PEDS1: variants seen among roughly 807,000 people sequenced by gnomAD.
PEDS1 encodes the protein plasmanylethanolamine desaturase 1, also known as CarF homolog.
In PEDS1, 14 loss-of-function variants were observed where a neutral mutation model predicts 35.2. That is an observed-to-expected ratio of 0.40 (90% CI 0.26 to 0.62). The LOEUF (loss-of-function observed/expected upper bound fraction) is 0.62, where lower values mean the gene tolerates loss of function less well. Among genes scored for constraint, PEDS1 ranks in the 20% least tolerant of loss-of-function variants. PEDS1 has a pLI of 0.44. For synonymous variants in PEDS1, 152 were observed against 152.0 expected (o/e 1.00, Z 0.00); for missense variants, 260 against 367.8 (o/e 0.71, Z 2.40).
In PEDS1 at chr20:50,141,892, G is replaced by A. The variant is rs139727357; in HGVS notation, c.241+1610C>T. Among the ~76,000 whole-genome samples, 19 of 152,274 alleles carry A rather than the reference G, an allele frequency of 1.2e-4. No homozygotes were observed. The East Asian group carries it at 3.5e-3, about 28-fold the overall frequency. ...CAATTAGCTGGCCTGAGCACTATTG[G>A]CTTAGGTGGCTAGAACGCTTTTAAT... On this transcript the variant is annotated intron_variant, in intron 2 of 5. Transcript: ENST00000371652.
chr20:50,127,668 G>A (rs1240890810), intron 5 of PEDS1, among the ~76,000 whole-genome samples: 2 of 152,174 alleles, frequency 1.3e-5, no homozygotes, highest in Non-Finnish European at 2.9e-5. Context: ...TTTGTTTGCT[G>A]CAGGAGCCTA....
rs1467160072 is a variant in PEDS1 at position 50,119,437 on chromosome 20, A to AG, written c.*5620_*5621insC. 6.9e-6 allele frequency: 1 copy of AG among 144,966 alleles called. No homozygotes were observed. The highest frequency in any genetic ancestry group is 2.7e-5 in the African/African-American group (1 of 37,376). 9.0% of individuals were successfully genotyped at this position (144,966 alleles called of 1,614,324 possible). A position where few individuals can be genotyped will look rare whatever the true frequency, so the allele number is the denominator to read the frequency against. ...GGTAATAGAGCAAGACTTTGTCTCAAAAAAAAAAAAAAAAAAAAGTCAAGT... is the reference window on the plus strand; with the variant it reads ...GGTAATAGAGCAAGACTTTGTCTCAAGAAAAAAAAAAAAAAAAAAGTCAAGT... On this transcript the variant is annotated 3_prime_UTR_variant, in exon 6 of 6. Coordinates refer to ENST00000371652, the MANE Select transcript of PEDS1 (RefSeq NM_199129.4).
Position 50,128,131 on chromosome 20 carries a change from C to T in PEDS1, c.535G>A (p.Gly179Ser), listed in dbSNP as rs150011545. The change falls in exon 5 of 6, where the codon GGC becomes AGC. Residue 179 changes from glycine to serine, a missense_variant. By Grantham distance (56) the Gly-to-Ser change is moderately conservative (BLOSUM62 0). Transcript: ENST00000371652. The surrounding 1 kb of genome is among the most constrained non-coding windows in gnomAD (Gnocchi z 5.2). ...TTGTGGATCTGGTTGGTGAAGGTGC[C>T]GAAGATGATCAGGCAGAAGACGAAG... ...ECFVFCLIIFGTFTNQIHKWS... is the reference protein window; with the variant it reads ...ECFVFCLIIFSTFTNQIHKWS... 367 of 1,613,858 alleles carry T rather than the reference C, an allele frequency of 2.3e-4. No individual in the cohort carries two copies. The highest frequency in any genetic ancestry group is 3.3e-4 in the Middle Eastern group (2 of 6,084).
intron 2 of PEDS1, among the ~76,000 whole-genome samples, chr20:50,143,074 G>T (rs2081310755): frequency 1.3e-5 from 2 of 152,094 alleles, no homozygotes; most frequent in Non-Finnish European, 1.5e-5. Context: ...GCTCTAGCAG[G>T]ATCCAGCTAG....
At position 50,129,651 on chromosome 20, in the gene PEDS1, T is replaced by G. The variant is rs1244523450; in HGVS notation, c.373A>C (p.Thr125Pro). 6.2e-7 allele frequency: 1 copy of G among 1,614,058 alleles called. No individual in the cohort carries two copies. The highest frequency in any genetic ancestry group is 8.5e-7 in the Non-Finnish European group (1 of 1,179,992). ...ATGAAGTCGTGCCGTGTGATAGCTG[T>G]CGGGTCAATGTGGTGCTCCCGGAAG... The part of the protein sequence containing the change: ...RPFREHHIDP[T>P]AITRHDFIET... Residue 125 changes from threonine (T) to proline (P), a missense_variant, in exon 4 of 6, where the codon ACA (threonine) becomes CCA (proline). Physicochemically the swap from Thr to Pro is conservative, Grantham distance 38. This residue lies in a region of PEDS1 where 34 missense variants were observed against 81.9 expected (regional missense o/e 0.41). Transcript: ENST00000371652. The surrounding 1 kb of genome is among the most constrained non-coding windows in gnomAD (Gnocchi z 4.2).
chr20:50,153,505 C>T lies in PEDS1; in HGVS notation c.121+12G>A, dbSNP rs112105513. The T allele has an allele frequency of 6.2e-4, 857 of 1,371,986 alleles. 6 individuals carry two copies. In the African/African-American group the frequency reaches 0.011, roughly 17 times the overall value. 85.0% of individuals were successfully genotyped at this position (1,371,986 alleles called of 1,614,324 possible). A position where few individuals can be genotyped will look rare whatever the true frequency, so the allele number is the denominator to read the frequency against. ...GTGACCGCAGGCCTGGAGGGGGGCCCAGAGGTCTTACCTGGCGAGTAGAGC... is the reference window on the plus strand; with the variant it reads ...GTGACCGCAGGCCTGGAGGGGGGCCTAGAGGTCTTACCTGGCGAGTAGAGC... On this transcript the variant is annotated intron_variant, in intron 1 of 5. Transcript: ENST00000371652.
At chr20:50,142,685 C>CT (rs1347733805) in intron 2 of PEDS1, among the ~76,000 whole-genome samples, 1 of 86,570 alleles carries the variant, frequency 1.2e-5, no homozygotes, top group African/African-American at 4.2e-5. Flanking sequence ...GTCATCCGCC[C>CT]CCCCCCCCCC....
chr20:50,128,311 C>T lies in PEDS1; in HGVS notation c.479-124G>A. On this transcript the variant is annotated intron_variant, in intron 4 of 5. Coordinates refer to ENST00000371652, the MANE Select transcript of PEDS1 (RefSeq NM_199129.4). This position sits in a 1 kb window ranked among gnomAD's most constrained non-coding sequence, Gnocchi z 5.2. ...CTGGGCAAGCACCCAGGATTCTCTT[C>T]CACCCCCTGCAGGGCCGCAGGCAAG... 1.6e-6 allele frequency: 2 copies of T among 1,237,080 alleles called. No homozygotes were observed. The highest frequency in any genetic ancestry group is 1.5e-5 in the African/African-American group (1 of 67,364). 76.6% of individuals were successfully genotyped at this position (1,237,080 alleles called of 1,614,324 possible). A position where few individuals can be genotyped will look rare whatever the true frequency, so the allele number is the denominator to read the frequency against.
At chr20:50,130,788 A>G in intron 3 of PEDS1, 68 bp downstream of exon 3, 1 of 1,581,510 alleles carries the variant, frequency 6.3e-7, no homozygotes, top group African/African-American at 1.3e-5. Flanking sequence ...TAGAGAAGAA[A>G]GGGGACTCAC....
chr20:50,152,857 A>G (rs574089875), intron 1 of PEDS1, among the ~76,000 whole-genome samples: 47 of 137,530 alleles, frequency 3.4e-4, no homozygotes, highest in African/African-American at 1.2e-3. Context: ...TCACCACTGG[A>G]GGGTTGGGGA....
rs566967209 is a variant in PEDS1, at chr20:50,133,599, C to T, written c.242-2652G>A. 9.8e-4 allele frequency among the ~76,000 whole-genome samples: 149 copies of T among 152,276 alleles called. 1 individual carries two copies. Among genetic ancestry groups the T allele is most frequent in the African/African-American group, 3.4e-3 (142 of 41,550 alleles). On this transcript the variant is annotated intron_variant, in intron 2 of 5. Transcript: ENST00000371652. ...ATGTAGAAGGCGAGGGAGGTGGAAG[C>T]CCCAGAAGGGCTTCTGGATTTTCTG...
chr20:50,127,023 C>T (rs1203532708), intron 5 of PEDS1, among the ~76,000 whole-genome samples: 1 of 152,204 alleles, frequency 6.6e-6, no homozygotes, highest in Non-Finnish European at 1.5e-5. Flanking sequence ...AGTCAGGAGC[C>T]TCTTTGCCAT....
chr20:50,128,020 T>A lies in PEDS1; in HGVS notation c.646A>T (p.Ile216Phe). The change falls in exon 5 of 6, where the codon ATC becomes TTC. Residue 216 changes from isoleucine (I) to phenylalanine (F), a missense_variant. By Grantham distance (21) the Ile-to-Phe change is conservative (BLOSUM62 0). Around this residue, in one of 4 missense-constraint regions of PEDS1, gnomAD observed 83 missense variants for 142.8 expected, o/e 0.58. Coordinates refer to ENST00000371652, the MANE Select transcript of PEDS1 (RefSeq NM_199129.4). The surrounding 1 kb of genome is among the most constrained non-coding windows in gnomAD (Gnocchi z 5.2). ...HVILPRKHHR[I>F]HHVSPHETYF... ...GTCTCGTGGGGTGAGACGTGGTGGA[T>A]GCGATGGTGTTTACGTGGCAGGATG... The A allele has an allele frequency of 6.2e-7, 1 of 1,614,050 alleles. No homozygotes were observed. Among genetic ancestry groups the A allele is most frequent in the African/African-American group, 1.3e-5 (1 of 74,988 alleles).
At chr20:50,148,118 T>C (rs901507838) in intron 1 of PEDS1, among the ~76,000 whole-genome samples, 1 of 152,154 alleles carries the variant, frequency 6.6e-6, no homozygotes, top group Non-Finnish European at 1.5e-5. Context: ...ACAACTTAAG[T>C]AGCTTTCACT....
In PEDS1 at chr20:50,140,115, C is replaced by T. The variant is rs916869940; in HGVS notation, c.241+3387G>A. Among the ~76,000 whole-genome samples, 7 of 152,236 alleles carry T rather than the reference C, an allele frequency of 4.6e-5. No individual in the cohort carries two copies. The East Asian group carries it at 1.3e-3, about 29-fold the overall frequency. ...TCCCTTCCATCTCTCAAGAGAGAAACCTTGGAGTCAAGCTAATTCTCTCTC... is the reference window on the plus strand; with the variant it reads ...TCCCTTCCATCTCTCAAGAGAGAAATCTTGGAGTCAAGCTAATTCTCTCTC... On this transcript the variant is annotated intron_variant, in intron 2 of 5. Transcript: ENST00000371652.
chr20:50,136,786 C>T (rs1168728356), intron 2 of PEDS1, among the ~76,000 whole-genome samples: 29 of 151,060 alleles, frequency 1.9e-4, no homozygotes, highest in Admixed American at 1.8e-3. Flanking sequence ...CCTATAATCC[C>T]AGCACTTTGG....
chr20:50,131,250 C>T, intron 2 of PEDS1: 1 of 626,552 alleles, frequency 1.6e-6, no homozygotes, highest in South Asian at 1.9e-5. Flanking sequence ...CTTCTCTCTG[C>T]CCCATATAAG....
At chr20:50,140,534 C>T (rs563691047) in intron 2 of PEDS1, among the ~76,000 whole-genome samples, 6 of 152,234 alleles carry the variant, frequency 3.9e-5, no homozygotes, top group Admixed American at 6.5e-5. Flanking sequence ...GTGCCAACCT[C>T]GGGGCCTTTG....
chr20:50,141,457 G>C (rs2081290906), intron 2 of PEDS1, among the ~76,000 whole-genome samples: 1 of 152,202 alleles, frequency 6.6e-6, no homozygotes. Flanking sequence ...TTAGTCACTG[G>C]TTTTCTCAGC....
Sources: allele counts gnomAD v4.1 joint callset (sites outside exome capture counted in the v4.1 genomes callset), GRCh38; gene constraint gnomAD v4.1.1; regional missense constraint gnomAD v4.1.1; non-coding constraint Gnocchi (gnomAD v3.1); transcripts MANE v1.5; gene names NCBI Gene and HGNC (gene_info 2026-07-23, HGNC 2026-07-21).